Variants in CDH12 observed in about 807,000 individuals in gnomAD.
CDH12 encodes cadherin-12.
CDH12 carries 41 observed loss-of-function variants against 74.1 expected under a neutral mutation model. The ratio of observed to expected loss-of-function variants is 0.55; its 90% CI spans 0.43 to 0.72. CDH12 has a LOEUF of 0.72. CDH12 is among the 30% of genes least tolerant of loss of function. The pLI, the probability that CDH12 is intolerant of heterozygous loss-of-function variation, is 0.00. For missense variants in CDH12, 945 were observed against 977.2 expected (o/e 0.97, Z 0.44); for synonymous variants, 399 against 355.0 (o/e 1.12, Z -1.39).
intron 2 of CDH12, among the ~76,000 whole-genome samples, chr5:22,415,830 G>A (rs1187106051): frequency 6.6e-6 from 1 of 152,046 alleles, no homozygotes; most frequent in East Asian, 1.9e-4. Flanking sequence ...ATTGGATTCA[G>A]GATCAGGTTT....
chr5:22,718,239 A>T (rs1743685818), intron 1 of CDH12, among the ~76,000 whole-genome samples: 1 of 152,214 alleles, frequency 6.6e-6, no homozygotes, highest in African/African-American at 2.4e-5. Context: ...CTTAGCCTGA[A>T]AAAATTCAAT....
intron 2 of CDH12, among the ~76,000 whole-genome samples, chr5:22,494,340 T>G (rs185447388): frequency 1.1e-4 from 17 of 152,178 alleles, no homozygotes; most frequent in Admixed American, 1.0e-3. Context: ...GATGTGGGTG[T>G]GAGTATGCCC....
intron 5 of CDH12, among the ~76,000 whole-genome samples, chr5:22,057,873 A>C (rs1454553504): frequency 6.6e-6 from 1 of 152,134 alleles, no homozygotes; most frequent in Non-Finnish European, 1.5e-5. Context: ...AGAGAACCAA[A>C]GGGTACGTGA....
chr5:22,662,333 A>C (rs1252888271), intron 1 of CDH12, among the ~76,000 whole-genome samples: 1 of 152,184 alleles, frequency 6.6e-6, no homozygotes, highest in Non-Finnish European at 1.5e-5. Flanking sequence ...AGAAAAGATA[A>C]ATTCAGGTCT....
intron 6 of CDH12, among the ~76,000 whole-genome samples, chr5:21,902,021 T>C (rs1336143301): frequency 6.6e-6 from 1 of 152,138 alleles, no homozygotes; most frequent in African/African-American, 2.4e-5. Flanking sequence ...TAGGAAACAT[T>C]GTTGAATAAG....
intron 1 of CDH12, among the ~76,000 whole-genome samples, chr5:22,786,041 A>G (rs1683554913): frequency 6.6e-6 from 1 of 152,186 alleles, no homozygotes. Context: ...ATTATTCACA[A>G]TAGCAAAGAC....
intron 8 of CDH12, among the ~76,000 whole-genome samples, chr5:21,824,433 A>G (rs1435056653): frequency 6.6e-6 from 1 of 151,980 alleles, no homozygotes; most frequent in Non-Finnish European, 1.5e-5. Flanking sequence ...ATTTCAGGCG[A>G]CCCACTCCAC....
intron 6 of CDH12, among the ~76,000 whole-genome samples, chr5:21,961,372 T>C (rs528019576): frequency 6.6e-6 from 1 of 152,266 alleles, no homozygotes; most frequent in African/African-American, 2.4e-5. Context: ...TTCAACCAAT[T>C]TTATGACTCT....
chr5:22,278,849 T>C (rs10058439), intron 3 of CDH12, among the ~76,000 whole-genome samples: 4,439 of 152,136 alleles, frequency 0.029, 94 homozygotes, highest in South Asian at 0.094. Context: ...GAGACCAAAA[T>C]AAATGAAAAT....
chr5:22,059,583 T>G (rs1022386508), intron 5 of CDH12, among the ~76,000 whole-genome samples: 1 of 152,138 alleles, frequency 6.6e-6, no homozygotes, highest in Non-Finnish European at 1.5e-5. Context: ...TTTTATGGCC[T>G]TTAGTATATC....
At chr5:21,881,115 T>C (rs1401004714) in intron 6 of CDH12, among the ~76,000 whole-genome samples, 1 of 151,984 alleles carries the variant, frequency 6.6e-6, no homozygotes, top group Non-Finnish European at 1.5e-5. Flanking sequence ...ATATAAGGTA[T>C]AAAAATGAAT....
chr5:21,832,297 T>C (rs1204616324), intron 8 of CDH12, among the ~76,000 whole-genome samples: 1 of 152,080 alleles, frequency 6.6e-6, no homozygotes, highest in Admixed American at 6.6e-5. Flanking sequence ...CATGCTCTCG[T>C]TAGCAAATGA....
At chr5:22,633,616 G>T (rs575155014) in intron 1 of CDH12, among the ~76,000 whole-genome samples, 1 of 152,244 alleles carries the variant, frequency 6.6e-6, no homozygotes, top group African/African-American at 2.4e-5. Context: ...AGAATGAAAA[G>T]GTGGAGGAAT....
intron 6 of CDH12, among the ~76,000 whole-genome samples, chr5:21,938,099 G>T (rs1288329928): frequency 6.6e-6 from 1 of 152,108 alleles, no homozygotes; most frequent in Non-Finnish European, 1.5e-5. Context: ...GATGGGAACT[G>T]GACCGTCAGG....
At chr5:22,437,998 A>G (rs980126252) in intron 2 of CDH12, among the ~76,000 whole-genome samples, 2 of 152,086 alleles carry the variant, frequency 1.3e-5, no homozygotes, top group East Asian at 3.8e-4. Context: ...CTAAATTCAT[A>G]TATTGTTTGT....
At chr5:21,774,646 A>C (rs147457911) in intron 11 of CDH12, 4 of 152,296 alleles carry the variant, frequency 2.6e-5, no homozygotes, top group African/African-American at 9.6e-5. Context: ...TCTTTCTTTG[A>C]GAATACAAAA....
chr5:22,302,289 A>AT (rs1737918790), intron 3 of CDH12, among the ~76,000 whole-genome samples: 1 of 152,144 alleles, frequency 6.6e-6, no homozygotes, highest in Non-Finnish European at 1.5e-5. Context: ...TTGTGTCAAG[A>AT]AATAACAATG....
intron 3 of CDH12, among the ~76,000 whole-genome samples, chr5:22,403,346 A>G (rs1742809741): frequency 6.6e-6 from 1 of 152,218 alleles, no homozygotes. Flanking sequence ...ATTGGGTAAT[A>G]AAGTCAGCTT....
chr5:21,930,598 C>A (rs991671033), intron 6 of CDH12, among the ~76,000 whole-genome samples: 4 of 152,124 alleles, frequency 2.6e-5, no homozygotes, highest in Admixed American at 1.3e-4. Flanking sequence ...AGACACTCAA[C>A]AAATGTTGGT....
Sources: gnomAD v4.1 joint callset for allele counts (sites outside exome capture counted in the v4.1 genomes callset) on GRCh38, gnomAD v4.1.1 for gene constraint, MANE v1.5 for transcripts, NCBI Gene and HGNC (gene_info 2026-07-23, HGNC 2026-07-21) for gene names.